The following RAB27B variants were observed in gnomAD, a reference collection of about 807,000 sequenced individuals.
RAB27B encodes the protein RAB27B, member RAS oncogene family.
A neutral mutation model predicts 24.6 loss-of-function variants in RAB27B; 15 were observed. The observed-to-expected ratio is 0.61, with a 90% CI of 0.41 to 0.94. The LOEUF is 0.94. RAB27B is among the 40% of genes least tolerant of loss of function. The pLI is 0.00. For missense variants in RAB27B, 261 were observed against 266.8 expected (o/e 0.98, Z 0.15); for synonymous variants, 105 against 92.5 (o/e 1.14, Z -0.78).
At chr18:54,783,689 T>C (rs1250913728) in intron 2 of RAB27B, among the ~76,000 whole-genome samples, 1 of 152,184 alleles carries the variant, frequency 6.6e-6, no homozygotes, top group African/African-American at 2.4e-5. Context: ...ACCTCAGAAA[T>C]GACCAGGAAG....
At position 54,768,445 on chromosome 18, in the gene RAB27B, G is replaced by C. The variant is rs1908435849; in HGVS notation, c.-20+50304G>C. 5.9e-5 allele frequency among the ~76,000 whole-genome samples: 9 copies of C among 152,228 alleles called. No homozygotes were observed. In the South Asian group the frequency reaches 1.9e-3, roughly 32 times the overall value. On this transcript the variant is annotated intron_variant, in intron 2 of 4. Coordinates refer to the RAB27B transcript ENST00000586570. ...TGCAACTTTTTTTCCTACTCTTTAT[G>C]TATAGATACATAATTTTCATATGTA...
chr18:54,850,268 C>T (rs1241555420), intron 1 of RAB27B, among the ~76,000 whole-genome samples: 1 of 146,194 alleles, frequency 6.8e-6, no homozygotes, highest in African/African-American at 2.5e-5. Flanking sequence ...AAACAACTTT[C>T]CTGGAACACA....
chr18:54,726,045 G>T (rs1377023449), intron 2 of RAB27B, among the ~76,000 whole-genome samples: 1 of 151,380 alleles, frequency 6.6e-6, no homozygotes, highest in Non-Finnish European at 1.5e-5. Context: ...AGTTAGAGTG[G>T]AACTAATTTA....
intron 2 of RAB27B, 79 bp from the exon 3 acceptor site, chr18:54,879,290 A>G (rs1392120011): frequency 7.6e-6 from 8 of 1,054,964 alleles, no homozygotes; most frequent in Non-Finnish European, 1.0e-5. Context: ...TGAGAAAAAA[A>G]CATGCTGAGT....
chr18:54,877,497 C>T, intron 1 of RAB27B, 70 bp from the exon 2 acceptor site: 2 of 1,185,400 alleles, frequency 1.7e-6, no homozygotes, highest in South Asian at 2.6e-5. Flanking sequence ...AAATTTATGT[C>T]ATATTTTGAT....
chr18:54,764,395 A>T (rs1423757303), intron 2 of RAB27B, among the ~76,000 whole-genome samples: 1 of 152,208 alleles, frequency 6.6e-6, no homozygotes, highest in Admixed American at 6.5e-5. Context: ...TAGGAATTAA[A>T]GTCTTAGCCA....
At chr18:54,846,670 G>T (rs1020156202) in intron 1 of RAB27B, among the ~76,000 whole-genome samples, 1 of 152,148 alleles carries the variant, frequency 6.6e-6, no homozygotes, top group Non-Finnish European at 1.5e-5. Context: ...AGAAGGCAAT[G>T]AATATCATAA....
At chr18:54,818,872 A>T (rs1356159437) in intron 2 of RAB27B, among the ~76,000 whole-genome samples, 1 of 152,194 alleles carries the variant, frequency 6.6e-6, no homozygotes, top group Non-Finnish European at 1.5e-5. Context: ...TCTTCTGTTA[A>T]GACTCACACC....
At chr18:54,859,811 A>G (rs1911942128) in intron 1 of RAB27B, among the ~76,000 whole-genome samples, 1 of 152,256 alleles carries the variant, frequency 6.6e-6, no homozygotes, top group South Asian at 2.1e-4. Context: ...CAAGAAGTAA[A>G]CAATAGACTC....
chr18:54,731,203 A>T (rs547965528), intron 2 of RAB27B, among the ~76,000 whole-genome samples: 1 of 152,344 alleles, frequency 6.6e-6, no homozygotes, highest in African/African-American at 2.4e-5. Context: ...ATAATTGTAA[A>T]AGTTGTAATT....
chr18:54,877,800 G>T (rs1912767738), intron 2 of RAB27B, 62 bp downstream of exon 2: 4 of 1,476,550 alleles, frequency 2.7e-6, no homozygotes, highest in African/African-American at 3.0e-5. Flanking sequence ...TAAGAATCAA[G>T]AAGCTATGTT....
intron 1 of RAB27B, among the ~76,000 whole-genome samples, chr18:54,870,506 C>A (rs1912419396): frequency 6.6e-6 from 1 of 151,920 alleles, no homozygotes; most frequent in South Asian, 2.1e-4. Context: ...GAGGTATTGG[C>A]CAGTGAAAGT....
intron 2 of RAB27B, among the ~76,000 whole-genome samples, chr18:54,802,002 A>G (rs1453746319): frequency 6.6e-6 from 1 of 152,220 alleles, no homozygotes; most frequent in Admixed American, 6.5e-5. Context: ...ATAGGCCAGA[A>G]GCAATCAACC....
At chr18:54,849,326 A>T (rs754892406) in intron 1 of RAB27B, among the ~76,000 whole-genome samples, 56 of 152,202 alleles carry the variant, frequency 3.7e-4, no homozygotes, top group Admixed American at 1.6e-3. Flanking sequence ...TCAACTGTTT[A>T]AAAAATTATT....
intron 2 of RAB27B, among the ~76,000 whole-genome samples, chr18:54,746,109 A>G (rs1370071663): frequency 6.6e-6 from 1 of 152,138 alleles, no homozygotes; most frequent in East Asian, 1.9e-4. Context: ...GCAGGTGGAC[A>G]AGGAGGTGCA....
chr18:54,766,443 T>A (rs1190168375), intron 2 of RAB27B, among the ~76,000 whole-genome samples: 1 of 152,172 alleles, frequency 6.6e-6, no homozygotes, highest in Non-Finnish European at 1.5e-5. Context: ...TTTGAGCAGA[T>A]CATTGAATGT....
chr18:54,745,751 T>C (rs1412548485), intron 2 of RAB27B, among the ~76,000 whole-genome samples: 1 of 147,360 alleles, frequency 6.8e-6, no homozygotes. Flanking sequence ...TATGTATTCA[T>C]AAATATTTAT....
chr18:54,862,059 GA>G (rs34216951), intron 1 of RAB27B, among the ~76,000 whole-genome samples: 129,087 of 148,800 alleles, frequency 0.87, 57,859 homozygotes, highest in East Asian at 1. Context: ...AGCATTTAAA[GA>G]AAAAAAAAAA....
intron 2 of RAB27B, among the ~76,000 whole-genome samples, chr18:54,785,280 T>G (rs1909047457): frequency 6.6e-6 from 1 of 151,592 alleles, no homozygotes; most frequent in Non-Finnish European, 1.5e-5. Context: ...TTTTGTATTT[T>G]AGGTAGAGAC....
Sources: allele counts gnomAD v4.1 joint callset (sites outside exome capture counted in the v4.1 genomes callset), GRCh38; gene constraint gnomAD v4.1.1; transcripts MANE v1.5; gene names NCBI Gene and HGNC (gene_info 2026-07-23, HGNC 2026-07-21).